Variants in PCDHA13 observed in about 807,000 individuals in gnomAD.
The protein encoded by PCDHA13 is protocadherin alpha-13.
A neutral mutation model predicts 64.8 loss-of-function variants in PCDHA13; 54 were observed. The observed-to-expected ratio is 0.83, with a 90% CI of 0.67 to 1.04. PCDHA13 has a LOEUF of 1.04. PCDHA13 is among the 50% of genes least tolerant of loss of function. PCDHA13 has a pLI of 0.00. For synonymous variants in PCDHA13, 587 were observed against 564.4 expected, an observed-to-expected ratio of 1.04 and a Z score of -0.57; for missense variants, 1,248 against 1,254.3, an observed-to-expected ratio of 0.99 and a Z score of 0.08.
At chr5:141,006,704 A>G (rs2098283751) in intron 3 of PCDHA13, among the ~76,000 whole-genome samples, 1 of 152,128 alleles carries the variant, frequency 6.6e-6, no homozygotes, top group Non-Finnish European at 1.5e-5. Context: ...GAGTCAAGAT[A>G]TATTTAGGAG....
rs143828814 is a variant in PCDHA13 at position 140,884,016 on chromosome 5, G to C, written c.1748G>C (p.Arg583Pro). ...GGCACAGTGAGCGAGCTGATGCCGC[G>C]GTCGGTGGGTGCAGGCCACGTGGTG... ...AGGTVSELMPRSVGAGHVVAK... is the reference protein window; with the variant it reads ...AGGTVSELMPPSVGAGHVVAK... The change falls in exon 1 of 4, where the codon CGG (arginine) becomes CCG (proline). Residue 583 changes from arginine (R) to proline (P), a missense_variant. Physicochemically the swap from Arg to Pro is moderately radical, Grantham distance 103 (BLOSUM62 -2). Transcript: ENST00000289272. 1.2e-6 allele frequency: 2 copies of C among 1,613,208 alleles called. No individual in the cohort carries two copies. Among genetic ancestry groups the C allele is most frequent in the Non-Finnish European group, 8.5e-7 (1 of 1,179,592 alleles).
chr5:140,928,563 T>C lies in PCDHA13; in HGVS notation c.2394+43901T>C, dbSNP rs138980511. 9.3e-4 allele frequency: 1,498 copies of C among 1,614,116 alleles called. 1 individual carries two copies. Among genetic ancestry groups the C allele is most frequent in the Non-Finnish European group, 1.2e-3 (1,397 of 1,180,050 alleles). On this transcript the variant is annotated intron_variant, in intron 1 of 3. Coordinates refer to ENST00000289272, the MANE Select transcript of PCDHA13 (RefSeq NM_018904.3). ...ATGACAATTATCCGGTTATCTTGTT[T>C]CCCTTGCCCAGAAATGGTTCTGTCC...
intron 1 of PCDHA13, chr5:140,968,723 GGTA>G (rs1199893104): frequency 9.3e-6 from 15 of 1,613,990 alleles, no homozygotes; most frequent in Non-Finnish European, 1.3e-5. Context: ...AGATGAGAGT[GGTA>G]GCACTTTCAA....
At chr5:140,970,565 T>C (rs1346006828) in intron 1 of PCDHA13, among the ~76,000 whole-genome samples, 2 of 152,182 alleles carry the variant, frequency 1.3e-5, no homozygotes, top group Non-Finnish European at 2.9e-5. Flanking sequence ...TCTCCATATG[T>C]ATGCTTGAAA....
intron 1 of PCDHA13, among the ~76,000 whole-genome samples, chr5:140,891,305 C>T (rs2063030266): frequency 6.6e-6 from 1 of 152,042 alleles, no homozygotes; most frequent in South Asian, 2.1e-4. Context: ...TATTTGATTA[C>T]ATGAGTAAGT....
At chr5:140,887,125 C>G (rs1391575318) in intron 1 of PCDHA13, among the ~76,000 whole-genome samples, 3 of 150,080 alleles carry the variant, frequency 2.0e-5, no homozygotes. Context: ...GAGACGGAGT[C>G]TCACTCTGTC....
intron 3 of PCDHA13, among the ~76,000 whole-genome samples, chr5:140,990,421 G>A (rs374181612): frequency 2.6e-5 from 4 of 152,190 alleles, no homozygotes; most frequent in Non-Finnish European, 5.9e-5. Flanking sequence ...CTTTCAACCA[G>A]CATTGACCCA....
At chr5:140,949,203 T>C (rs879971307) in intron 1 of PCDHA13, among the ~76,000 whole-genome samples, 13 of 151,790 alleles carry the variant, frequency 8.6e-5, no homozygotes, top group East Asian at 1.9e-4. Flanking sequence ...TTCAGTCTTT[T>C]AAAAATCTGT....
intron 1 of PCDHA13, among the ~76,000 whole-genome samples, chr5:140,932,376 A>G (rs2088262778): frequency 6.6e-6 from 1 of 151,964 alleles, no homozygotes; most frequent in African/African-American, 2.4e-5. Context: ...TTTCCACATG[A>G]AAGTTATACA....
intron 1 of PCDHA13, among the ~76,000 whole-genome samples, chr5:140,933,263 A>G (rs1374246908): frequency 6.6e-6 from 1 of 151,986 alleles, no homozygotes; most frequent in Non-Finnish European, 1.5e-5. Context: ...AAAGGTTATT[A>G]TATATTCATT....
chr5:140,920,692 A>T (rs552577858), intron 1 of PCDHA13, among the ~76,000 whole-genome samples: 7 of 152,114 alleles, frequency 4.6e-5, no homozygotes, highest in Non-Finnish European at 7.4e-5. Flanking sequence ...AAAAATACAA[A>T]CATTAGCTTG....
chr5:140,944,463 A>C (rs2093660880), intron 1 of PCDHA13, among the ~76,000 whole-genome samples: 1 of 152,198 alleles, frequency 6.6e-6, no homozygotes, highest in Admixed American at 6.5e-5. Flanking sequence ...CTGGGATTAC[A>C]GGTATGAGGC....
intron 1 of PCDHA13, chr5:140,966,382 G>C (rs1188243032): frequency 5.0e-6 from 2 of 403,766 alleles, no homozygotes; most frequent in Non-Finnish European, 4.3e-6. Flanking sequence ...GTCCGGGTTC[G>C]CTGTCCGCCA....
intron 1 of PCDHA13, among the ~76,000 whole-genome samples, chr5:140,888,362 T>G (rs1282144902): frequency 6.6e-6 from 1 of 152,208 alleles, no homozygotes; most frequent in African/African-American, 2.4e-5. Flanking sequence ...TACTGGCATC[T>G]AATAATGGAG....
intron 1 of PCDHA13, among the ~76,000 whole-genome samples, chr5:140,898,705 A>C (rs1351081569): frequency 1.3e-5 from 2 of 152,142 alleles, no homozygotes; most frequent in Admixed American, 1.3e-4. Flanking sequence ...ACTTTAAAGT[A>C]GTTTTTTCCA....
At chr5:140,950,159 T>C (rs983239055) in intron 1 of PCDHA13, among the ~76,000 whole-genome samples, 3 of 151,972 alleles carry the variant, frequency 2.0e-5, no homozygotes, top group Non-Finnish European at 4.4e-5. Flanking sequence ...AAGCAGTTAT[T>C]ATGTACTTTA....
At chr5:140,924,227 TA>T (rs2153571643) in intron 1 of PCDHA13, among the ~76,000 whole-genome samples, 1 of 152,354 alleles carries the variant, frequency 6.6e-6, no homozygotes, top group East Asian at 1.9e-4. Flanking sequence ...GTTCAATTTT[TA>T]TGGGCTGTTT....
chr5:140,943,581 G>A (rs1022140100), intron 1 of PCDHA13, among the ~76,000 whole-genome samples: 1 of 152,168 alleles, frequency 6.6e-6, no homozygotes, highest in Non-Finnish European at 1.5e-5. Flanking sequence ...GTTGATCTGA[G>A]TGGGGCTGAA....
At chr5:140,962,543 G>T (rs962454688) in intron 1 of PCDHA13, among the ~76,000 whole-genome samples, 1 of 152,176 alleles carries the variant, frequency 6.6e-6, no homozygotes, top group Non-Finnish European at 1.5e-5. Flanking sequence ...AACTAAAAAT[G>T]TAGAGGATCT....
Sources: gnomAD v4.1 joint callset for allele counts (sites outside exome capture counted in the v4.1 genomes callset) on GRCh38, gnomAD v4.1.1 for gene constraint, MANE v1.5 for transcripts, NCBI Gene and HGNC (gene_info 2026-07-23, HGNC 2026-07-21) for gene names.